Variants in ERBB4 observed in about 807,000 individuals in gnomAD.
The protein encoded by ERBB4 is erb-b2 receptor tyrosine kinase 4.
ERBB4 carries 42 observed loss-of-function variants against 158.0 expected under a neutral mutation model. That is an observed-to-expected ratio of 0.27 (90% confidence interval 0.21 to 0.34). The LOEUF is 0.34. Ranked by LOEUF, ERBB4 falls within the 10% of genes least tolerant of loss-of-function variation. The probability of loss-of-function intolerance (pLI) is 1.00; values close to 1 mark genes in which losing one functional copy is unlikely to be tolerated. For synonymous variants in ERBB4, 583 were observed against 558.7 expected (o/e 1.04, Z -0.61); for missense variants, 1,333 against 1,624.1 (o/e 0.82, Z 3.08).
intron 1 of ERBB4, among the ~76,000 whole-genome samples, chr2:212,198,733 C>CTT (rs11448093): frequency 0.074 from 7,096 of 96,138 alleles, 363 homozygotes; most frequent in African/African-American, 0.24. Context: ...TCACCACGCC[C>CTT]TTTTTTTTTT....
At chr2:211,980,348 A>C (rs1157616099) in intron 2 of ERBB4, among the ~76,000 whole-genome samples, 1 of 152,194 alleles carries the variant, frequency 6.6e-6, no homozygotes, top group Non-Finnish European at 1.5e-5. Flanking sequence ...CAATATAAGC[A>C]GTTGAGTAGA....
intron 1 of ERBB4, among the ~76,000 whole-genome samples, chr2:212,206,599 T>C (rs1471121802): frequency 1.4e-5 from 2 of 145,852 alleles, no homozygotes; most frequent in Non-Finnish European, 3.0e-5. Flanking sequence ...CTTTTTTTTT[T>C]TTTTTTGAGA....
chr2:211,563,454 T>C lies in ERBB4; in HGVS notation c.2302-1366A>G, dbSNP rs373560448. 3.3e-5 allele frequency among the ~76,000 whole-genome samples: 5 copies of C among 152,312 alleles called. No individual in the cohort carries two copies. The South Asian group carries it at 8.3e-4, about 25-fold the overall frequency. On this transcript the variant is annotated intron_variant, in intron 19 of 27. Coordinates refer to ENST00000342788, the MANE Select transcript of ERBB4 (RefSeq NM_005235.3). ...CTGCAAAGAAACTGGCCTGTACTTA[T>C]TTAAAATGTCAATATTAGGAGAAAC...
At chr2:212,434,964 T>C (rs1284085775) in intron 1 of ERBB4, among the ~76,000 whole-genome samples, 2 of 152,066 alleles carry the variant, frequency 1.3e-5, no homozygotes, top group Non-Finnish European at 2.9e-5. Flanking sequence ...AGTCCAGATT[T>C]CTTTGATCTG....
At chr2:212,139,832 T>A (rs1414101410) in intron 1 of ERBB4, among the ~76,000 whole-genome samples, 1 of 151,966 alleles carries the variant, frequency 6.6e-6, no homozygotes, top group East Asian at 1.9e-4. Flanking sequence ...ATCTGATCAA[T>A]TTTTAAAATT....
At position 212,141,765 on chromosome 2, in the gene ERBB4, C is replaced by T. The variant is rs111522213; in HGVS notation, c.83-16862G>A. Among the ~76,000 whole-genome samples, 1,008 of 152,176 alleles carry T rather than the reference C, an allele frequency of 6.6e-3. 7 individuals carry two copies. Among genetic ancestry groups the T allele is most frequent in the Middle Eastern group, 0.024 (7 of 294 alleles). On this transcript the variant is annotated intron_variant, in intron 1 of 27. Transcript: ENST00000342788. ...TCCACCTTGCTATCTCTATTTCAAG[C>T]CACGAAAGTCCCTATTTGAATATTG...
intron 25 of ERBB4, among the ~76,000 whole-genome samples, chr2:211,396,177 A>G (rs1333848802): frequency 4.6e-5 from 7 of 152,128 alleles, no homozygotes; most frequent in African/African-American, 1.7e-4. Context: ...TTAGATATAT[A>G]TATGTGCATA....
chr2:212,327,777 T>A (rs2087925921), intron 1 of ERBB4, among the ~76,000 whole-genome samples: 1 of 147,266 alleles, frequency 6.8e-6, no homozygotes, highest in Admixed American at 6.9e-5. Context: ...TAGATTCTGA[T>A]GTTAATTGCA....
chr2:212,288,705 C>T (rs1047854389), intron 1 of ERBB4, among the ~76,000 whole-genome samples: 2 of 151,958 alleles, frequency 1.3e-5, no homozygotes, highest in African/African-American at 4.8e-5. Flanking sequence ...GGTTGTGTGA[C>T]GAGAACCCCG....
chr2:211,800,638 T>C (rs2076477941), intron 3 of ERBB4, among the ~76,000 whole-genome samples: 1 of 149,820 alleles, frequency 6.7e-6, no homozygotes, highest in Non-Finnish European at 1.5e-5. Flanking sequence ...AGGGATCTTT[T>C]CTACATGAAA....
chr2:212,439,805 A>G (rs1346584513), intron 1 of ERBB4, among the ~76,000 whole-genome samples: 1 of 152,174 alleles, frequency 6.6e-6, no homozygotes, highest in Non-Finnish European at 1.5e-5. Flanking sequence ...GAAAGTATTT[A>G]CGAATAAAAA....
intron 3 of ERBB4, among the ~76,000 whole-genome samples, chr2:211,834,545 T>C (rs2077296823): frequency 6.6e-6 from 1 of 152,006 alleles, no homozygotes; most frequent in Non-Finnish European, 1.5e-5. Flanking sequence ...ATTTTTTAAT[T>C]AGATCATATT....
intron 2 of ERBB4, among the ~76,000 whole-genome samples, chr2:212,041,099 G>A (rs545346852): frequency 6.6e-5 from 10 of 152,016 alleles, no homozygotes; most frequent in Admixed American, 2.0e-4. Flanking sequence ...GCCTCAGTAC[G>A]TACTTCCATC....
intron 3 of ERBB4, among the ~76,000 whole-genome samples, chr2:211,870,796 T>A (rs1257303034): frequency 1.3e-5 from 2 of 152,170 alleles, no homozygotes; most frequent in Non-Finnish European, 2.9e-5. Flanking sequence ...TTCAGAGACA[T>A]CAGTGAAAAT....
chr2:211,885,118 T>C (rs2078763363), intron 3 of ERBB4, among the ~76,000 whole-genome samples: 1 of 152,158 alleles, frequency 6.6e-6, no homozygotes, highest in South Asian at 2.1e-4. Context: ...TATTTAAAAT[T>C]AAAACTTTTT....
At chr2:211,716,679 AAACAACAAC>A (rs139631300) in intron 7 of ERBB4, among the ~76,000 whole-genome samples, 2 of 151,168 alleles carry the variant, frequency 1.3e-5, no homozygotes, top group Non-Finnish European at 2.9e-5. Flanking sequence ...CCGTCTCAAA[AAACAACAAC>A]AACAACAACA....
intron 1 of ERBB4, among the ~76,000 whole-genome samples, chr2:212,255,318 C>CT (rs2084688939): frequency 6.6e-6 from 1 of 151,900 alleles, no homozygotes; most frequent in Non-Finnish European, 1.5e-5. Context: ...TCATTCAACC[C>CT]TTTTTAAAGT....
At chr2:211,947,388 T>C in intron 3 of ERBB4, 42 bp downstream of exon 3, 10 of 1,503,618 alleles carry the variant, frequency 6.7e-6, no homozygotes, top group Non-Finnish European at 9.3e-6. Context: ...TGCCTTATAT[T>C]GATAATGAAA....
At chr2:211,532,351 C>T (rs532134191) in intron 20 of ERBB4, among the ~76,000 whole-genome samples, 6 of 151,972 alleles carry the variant, frequency 3.9e-5, no homozygotes, top group Admixed American at 2.6e-4. Flanking sequence ...TTTACCCTGA[C>T]GAGATTATTA....
Sources: allele counts gnomAD v4.1 joint callset (sites outside exome capture counted in the v4.1 genomes callset), GRCh38; gene constraint gnomAD v4.1.1; transcripts MANE v1.5; gene names NCBI Gene and HGNC (gene_info 2026-07-23, HGNC 2026-07-21).